The following EXTL2 variants were observed in gnomAD, a reference collection of about 807,000 sequenced individuals.
The protein encoded by EXTL2 is exostosin like glycosyltransferase 2, also known as exostosin-like 2.
EXTL2 carries 23 observed loss-of-function variants against 30.7 expected under a neutral mutation model. The observed-to-expected ratio is 0.75, with a 90% confidence interval of 0.54 to 1.06. The LOEUF (loss-of-function observed/expected upper bound fraction) is 1.06, where lower values mean the gene tolerates loss of function less well. Among genes scored for constraint, EXTL2 ranks in the 50% least tolerant of loss-of-function variants. The pLI is 0.00. For missense variants in EXTL2, 352 were observed against 396.3 expected (o/e 0.89, Z 0.95); for synonymous variants, 123 against 133.8 (o/e 0.92, Z 0.56).
intron 4 of EXTL2, 145 bp downstream of exon 4, chr1:100,876,649 G>T: frequency 2.0e-6 from 1 of 507,076 alleles, no homozygotes; most frequent in Non-Finnish European, 3.5e-6. Context: ...AGAAAATCTT[G>T]ATTAGCCTAT....
At position 100,877,910 on chromosome 1, in the gene EXTL2, T is replaced by A; in HGVS notation, c.6-7A>T. ...TTTGCAGATGTGGCAACACCTGGAG[T>A]AGAAATGGAAACAACATACAAATGT... On this transcript the variant is annotated splice_polypyrimidine_tract_variant and splice_region_variant and intron_variant, in intron 2 of 4. Coordinates refer to ENST00000370114, the MANE Select transcript of EXTL2 (RefSeq NM_001033025.3). The surrounding 1 kb of genome is among the most constrained non-coding windows in gnomAD (Gnocchi z 4.1). The A allele has an allele frequency of 6.3e-7, 1 of 1,585,982 alleles. No individual in the cohort carries two copies. The highest frequency in any genetic ancestry group is 8.5e-7 in the Non-Finnish European group (1 of 1,171,390).
intron 1 of EXTL2, among the ~76,000 whole-genome samples, chr1:100,891,716 G>C (rs1650437132): frequency 6.6e-6 from 1 of 152,202 alleles, no homozygotes; most frequent in Admixed American, 6.5e-5. Context: ...TTATCTTCAA[G>C]AGTAACTGGA....
upstream of EXTL2, chr1:100,894,901 G>C (rs1327057420): frequency 6.6e-6 from 1 of 152,210 alleles, no homozygotes; most frequent in Non-Finnish European, 1.5e-5. Context: ...GCATTCCCAG[G>C]AAGCTCGGTT....
At chr1:100,894,214 T>C (rs1650665441) in intron 1 of EXTL2, among the ~76,000 whole-genome samples, 1 of 152,152 alleles carries the variant, frequency 6.6e-6, no homozygotes, top group Admixed American at 6.5e-5. Flanking sequence ...AAAATCCAAT[T>C]ACCATAGAAT....
chr1:100,877,415 T>A lies in EXTL2; in HGVS notation c.433+61A>T, dbSNP rs1649208244. 1.4e-6 allele frequency: 2 copies of A among 1,417,894 alleles called. No homozygotes were observed. Among genetic ancestry groups the A allele is most frequent in the Non-Finnish European group, 1.9e-6 (2 of 1,058,672 alleles). The allele number at this position is 1,417,894 out of a possible 1,614,324, so 87.8% of individuals were successfully genotyped here. ...TTAAGCAGAAGGCCAGAAATTCACA[T>A]GTCTGTCCCAGCTCTGGACAGCGGC... On this transcript the variant is annotated intron_variant, in intron 3 of 4. Transcript: ENST00000370114. This position sits in a 1 kb window ranked among gnomAD's most constrained non-coding sequence, Gnocchi z 4.1.
rs1349045686 is a variant in EXTL2, at chr1:100,875,751, TA to T, written c.504+1042del. 5.9e-5 allele frequency among the ~76,000 whole-genome samples: 9 copies of T among 152,218 alleles called. No homozygotes were observed. In the East Asian group the frequency reaches 1.7e-3, roughly 29 times the overall value. On this transcript the variant is annotated intron_variant, in intron 4 of 4. Coordinates refer to ENST00000370114, the MANE Select transcript of EXTL2 (RefSeq NM_001033025.3). ...AAATCATATTTATATATCTTTAATT[TA>T]TAGTTTACTCAGATGGTTCCAATTA...
At chr1:100,890,725 C>A (rs991637062) in intron 1 of EXTL2, among the ~76,000 whole-genome samples, 5 of 152,206 alleles carry the variant, frequency 3.3e-5, no homozygotes, top group Non-Finnish European at 7.3e-5. Context: ...CCACATCAGC[C>A]TGGACTTCAT....
At chr1:100,888,891 CA>C (rs1650189796) in intron 1 of EXTL2, 63 bp from the exon 2 acceptor site, 1 of 590,568 alleles carries the variant, frequency 1.7e-6, no homozygotes, top group Non-Finnish European at 2.9e-6. Context: ...AATTTAAAAA[CA>C]AAACAAAAAA....
At chr1:100,882,344 T>C (rs1649626396) in intron 2 of EXTL2, among the ~76,000 whole-genome samples, 1 of 152,222 alleles carries the variant, frequency 6.6e-6, no homozygotes, top group South Asian at 2.1e-4. Context: ...CAGCCCCCCA[T>C]GGCAAAGAAT....
At position 100,884,820 on chromosome 1, in the gene EXTL2, G is replaced by A. The variant is rs368967043; in HGVS notation, c.5+3933C>T. On this transcript the variant is annotated intron_variant, in intron 2 of 4. Transcript: ENST00000370114. ...TTTTCAGGTATTTCAACTATCGACT[G>A]TTCTTTTGCTGTTTTTTTCAGTCTT... 3.9e-5 allele frequency among the ~76,000 whole-genome samples: 6 copies of A among 152,154 alleles called. 1 individual carries two copies. The South Asian group carries it at 1.2e-3, about 32-fold the overall frequency.
chr1:100,892,814 T>C (rs1409231138), intron 1 of EXTL2, among the ~76,000 whole-genome samples: 3 of 152,232 alleles, frequency 2.0e-5, no homozygotes, highest in East Asian at 3.8e-4. Flanking sequence ...TATTCTTATG[T>C]ACCTTTACAA....
chr1:100,879,425 T>G lies in EXTL2; in HGVS notation c.6-1522A>C, dbSNP rs564336017. On this transcript the variant is annotated intron_variant, in intron 2 of 4. Transcript: ENST00000370114. ...AAATGAACTATTCAAAGAAATTTACTTATGAAAAGAAAGACTGGAAACAAA... is the reference window on the plus strand; with the variant it reads ...AAATGAACTATTCAAAGAAATTTACGTATGAAAAGAAAGACTGGAAACAAA... 2.0e-5 allele frequency among the ~76,000 whole-genome samples: 3 copies of G among 152,276 alleles called. No homozygotes were observed. In the East Asian group the frequency reaches 5.8e-4, roughly 29 times the overall value.
chr1:100,893,747 T>G (rs1650619460), intron 1 of EXTL2, among the ~76,000 whole-genome samples: 1 of 152,242 alleles, frequency 6.6e-6, no homozygotes, highest in African/African-American at 2.4e-5. Context: ...CACCTACACT[T>G]TTATATTGCA....
At chr1:100,883,174 A>T (rs1190869200) in intron 2 of EXTL2, among the ~76,000 whole-genome samples, 2 of 152,252 alleles carry the variant, frequency 1.3e-5, no homozygotes, top group African/African-American at 4.8e-5. Flanking sequence ...CTGCAAGATA[A>T]TATAAAAAAT....
intron 1 of EXTL2, among the ~76,000 whole-genome samples, chr1:100,893,007 A>G (rs995863116): frequency 1.3e-5 from 2 of 152,088 alleles, no homozygotes; most frequent in Admixed American, 6.5e-5. Flanking sequence ...CTGCCCCTTA[A>G]TTCTCTCTGC....
At chr1:100,888,087 C>G (rs947598288) in intron 2 of EXTL2, among the ~76,000 whole-genome samples, 1 of 152,246 alleles carries the variant, frequency 6.6e-6, no homozygotes, top group African/African-American at 2.4e-5. Flanking sequence ...TACATACTGA[C>G]TTCATTCTGT....
At chr1:100,888,679 C>A in intron 2 of EXTL2, 74 bp downstream of exon 2, 1 of 774,642 alleles carries the variant, frequency 1.3e-6, no homozygotes, top group Non-Finnish European at 2.2e-6. Context: ...ACTTAAAACC[C>A]GTTAAGGTGA....
intron 2 of EXTL2, among the ~76,000 whole-genome samples, chr1:100,882,185 G>A (rs565650414): frequency 5.5e-4 from 84 of 152,324 alleles, no homozygotes; most frequent in African/African-American, 2.0e-3. Context: ...GGGACACCAA[G>A]GGTTTTCAAC....
At chr1:100,890,349 A>C (rs1284321814) in intron 1 of EXTL2, among the ~76,000 whole-genome samples, 1 of 152,108 alleles carries the variant, frequency 6.6e-6, no homozygotes. Flanking sequence ...TCCCTCCTAC[A>C]CCTCTGGGCC....
Sources: gnomAD v4.1 joint callset for allele counts (sites outside exome capture counted in the v4.1 genomes callset) on GRCh38, gnomAD v4.1.1 for gene constraint, Gnocchi (gnomAD v3.1) non-coding constraint, MANE v1.5 for transcripts, NCBI Gene and HGNC (gene_info 2026-07-23, HGNC 2026-07-21) for gene names.